Variants in PCDHA13 observed in about 807,000 individuals in gnomAD.
The protein encoded by PCDHA13 is protocadherin alpha 13.
A neutral mutation model predicts 64.8 loss-of-function variants in PCDHA13; 54 were observed. The ratio of observed to expected loss-of-function variants is 0.83; its 90% CI spans 0.67 to 1.04. PCDHA13 has a LOEUF of 1.04. Among genes scored for constraint, PCDHA13 ranks in the 50% least tolerant of loss-of-function variants. The pLI is 0.00. For missense variants in PCDHA13, 1,248 were observed against 1,254.3 expected (o/e 0.99, Z 0.08); for synonymous variants, 587 against 564.4 (o/e 1.04, Z -0.57).
chr5:140,930,567 C>T (rs1192022171), intron 1 of PCDHA13: 11 of 152,480 alleles, frequency 7.2e-5, no homozygotes, highest in African/African-American at 2.2e-4. Context: ...TGAAGCAATT[C>T]TACGGTATTA....
chr5:140,952,709 T>C (rs2094784758), intron 1 of PCDHA13, among the ~76,000 whole-genome samples: 1 of 152,208 alleles, frequency 6.6e-6, no homozygotes, highest in Non-Finnish European at 1.5e-5. Flanking sequence ...CCACTCTCAG[T>C]ATCAATTTTC....
chr5:140,925,409 G>T (rs2082484194), intron 1 of PCDHA13, among the ~76,000 whole-genome samples: 1 of 152,078 alleles, frequency 6.6e-6, no homozygotes, highest in Admixed American at 6.5e-5. Flanking sequence ...CCTTCTTAGG[G>T]AAAGGAACTG....
chr5:140,947,146 A>G (rs1253300651), intron 1 of PCDHA13, among the ~76,000 whole-genome samples: 2 of 151,546 alleles, frequency 1.3e-5, no homozygotes, highest in Non-Finnish European at 1.5e-5. Context: ...ATGTATAGTT[A>G]CTTCCACGGG....
chr5:140,961,715 A>G (rs1363525264), intron 1 of PCDHA13, among the ~76,000 whole-genome samples: 2 of 152,160 alleles, frequency 1.3e-5, no homozygotes, highest in Non-Finnish European at 2.9e-5. Flanking sequence ...TTCATTTCTA[A>G]GTGCTCATAA....
chr5:140,999,550 G>A (rs1250301883), intron 3 of PCDHA13, among the ~76,000 whole-genome samples: 2 of 152,120 alleles, frequency 1.3e-5, no homozygotes, highest in African/African-American at 4.8e-5. Context: ...CCAATGAAGA[G>A]GGGGTATTTT....
At chr5:140,965,703 G>T (rs1280783019) in intron 1 of PCDHA13, among the ~76,000 whole-genome samples, 1 of 152,178 alleles carries the variant, frequency 6.6e-6, no homozygotes, top group Non-Finnish European at 1.5e-5. Flanking sequence ...GAAAAAGCTT[G>T]AGAGAAGAAT....
chr5:140,929,163 G>T lies in PCDHA13; in HGVS notation c.2394+44501G>T, dbSNP rs142058597. On this transcript the variant is annotated intron_variant, in intron 1 of 3. Coordinates refer to ENST00000289272, the MANE Select transcript of PCDHA13 (RefSeq NM_018904.3). ...GACTTTCTCAGACTTATCTCTATCG[G>T]GCCTCTCTGGGACTTGGTTCTGATA... 2.4e-4 allele frequency: 385 copies of T among 1,614,058 alleles called. 2 individuals carry two copies. In the African/African-American group the frequency reaches 4.5e-3, roughly 19 times the overall value.
intron 1 of PCDHA13, among the ~76,000 whole-genome samples, chr5:140,965,230 C>T (rs2095881666): frequency 6.6e-6 from 1 of 152,126 alleles, no homozygotes; most frequent in Non-Finnish European, 1.5e-5. Flanking sequence ...ATGTGAGAAC[C>T]TGGGAAGAGT....
At chr5:140,969,235 A>G (rs781795606) in intron 1 of PCDHA13, 2 of 1,614,206 alleles carry the variant, frequency 1.2e-6, no homozygotes, top group Non-Finnish European at 1.7e-6. Flanking sequence ...CGGGAGCCCA[A>G]GCAGCAGTGA....
At position 140,883,148 on chromosome 5, in the gene PCDHA13, A is replaced by G. The variant is rs1554176918; in HGVS notation, c.880A>G (p.Thr294Ala). 5.0e-6 allele frequency: 8 copies of G among 1,614,078 alleles called. No homozygotes were observed. Among genetic ancestry groups the G allele is most frequent in the Non-Finnish European group, 6.8e-6 (8 of 1,180,036 alleles). The change falls in exon 1 of 4, where the codon ACC (threonine) becomes GCC (alanine). Residue 294 changes from threonine (T) to alanine (A), a missense_variant. By Grantham distance (58) the Thr-to-Ala change is moderately conservative. Transcript: ENST00000289272. ...ATGGCCTGCAGTGGTATATGCATTT[A>G]CCATAAATCCGAACAATGGAGAAAT... ...PVWPAVVYAF[T>A]INPNNGEIRT...
At position 140,928,683 on chromosome 5, in the gene PCDHA13, C is replaced by T. The variant is rs868920923; in HGVS notation, c.2394+44021C>T. ...ACAGTGGTTCTAATGCCTGGCTTTC[C>T]TACCACATCTCCCGGGCGTCTGACT... On this transcript the variant is annotated intron_variant, in intron 1 of 3. Transcript: ENST00000289272. 3.7e-6 allele frequency: 6 copies of T among 1,614,172 alleles called. No individual in the cohort carries two copies. In the Middle Eastern group the frequency reaches 6.6e-4, roughly 178 times the overall value.
chr5:140,967,641 T>C (rs2096165933), intron 1 of PCDHA13: 1 of 1,614,004 alleles, frequency 6.2e-7, no homozygotes, highest in East Asian at 2.2e-5. Context: ...AATGGTGAGC[T>C]CAGGTACTCC....
intron 3 of PCDHA13, among the ~76,000 whole-genome samples, chr5:140,986,030 C>T (rs1190318789): frequency 2.6e-5 from 4 of 152,174 alleles, no homozygotes; most frequent in Non-Finnish European, 2.9e-5. Flanking sequence ...TGAGCCACTG[C>T]GCCTGGCCTC....
chr5:140,954,181 T>C (rs1342526768), intron 1 of PCDHA13, among the ~76,000 whole-genome samples: 1 of 152,234 alleles, frequency 6.6e-6, no homozygotes, highest in Non-Finnish European at 1.5e-5. Flanking sequence ...ATCCAGTCTA[T>C]CATTGATGGG....
intron 1 of PCDHA13, among the ~76,000 whole-genome samples, chr5:140,914,813 C>T (rs1346638828): frequency 6.6e-6 from 1 of 152,070 alleles, no homozygotes; most frequent in Non-Finnish European, 1.5e-5. Flanking sequence ...GGCAACTTAA[C>T]AGACTGCATA....
At chr5:140,903,690 T>C (rs2070508211) in intron 1 of PCDHA13, among the ~76,000 whole-genome samples, 1 of 152,224 alleles carries the variant, frequency 6.6e-6, no homozygotes, top group African/African-American at 2.4e-5. Context: ...TGGTAAATAG[T>C]TTAAAATAGT....
chr5:140,941,285 T>C (rs1563188656), intron 1 of PCDHA13, among the ~76,000 whole-genome samples: 1 of 119,964 alleles, frequency 8.3e-6, no homozygotes, highest in African/African-American at 2.9e-5. Flanking sequence ...TTCCTTCCTT[T>C]CTCTTTCTTT....
chr5:140,929,078 G>A lies in PCDHA13; in HGVS notation c.2394+44416G>A, dbSNP rs144524128. On this transcript the variant is annotated intron_variant, in intron 1 of 3. Coordinates refer to ENST00000289272, the MANE Select transcript of PCDHA13 (RefSeq NM_018904.3). ...TCTACAGAGGATCTGAGGTATGGAA[G>A]TAAGATGGTTTCAAATCCTTGCATG... 20 of 1,614,208 alleles carry A rather than the reference G, an allele frequency of 1.2e-5. No individual in the cohort carries two copies. The African/African-American group carries it at 2.3e-4, about 18-fold the overall frequency.
intron 3 of PCDHA13, among the ~76,000 whole-genome samples, chr5:140,994,726 G>T (rs774837274): frequency 3.0e-4 from 45 of 151,958 alleles, no homozygotes; most frequent in Non-Finnish European, 3.7e-4. Flanking sequence ...TAAAATACTG[G>T]GTATTGCAGG....
Sources: gnomAD v4.1 joint callset for allele counts (sites outside exome capture counted in the v4.1 genomes callset) on GRCh38, gnomAD v4.1.1 for gene constraint, MANE v1.5 for transcripts, NCBI Gene and HGNC (gene_info 2026-07-23, HGNC 2026-07-21) for gene names.